Variants in ST18 observed in about 807,000 individuals in gnomAD.
ST18 encodes the protein ST18 C2H2C-type zinc finger transcription factor.
A neutral mutation model predicts 110.0 loss-of-function variants in ST18; 50 were observed. That is an observed-to-expected ratio of 0.45 (90% confidence interval 0.36 to 0.58). The LOEUF (loss-of-function observed/expected upper bound fraction) is 0.58, where lower values mean the gene tolerates loss of function less well. Ranked by LOEUF, ST18 falls within the 20% of genes least tolerant of loss-of-function variation. ST18 has a pLI of 0.00. For missense variants in ST18, 1,306 were observed against 1,280.1 expected (o/e 1.02, Z -0.31); for synonymous variants, 461 against 452.4 (o/e 1.02, Z -0.24).
intron 2 of ST18, among the ~76,000 whole-genome samples, chr8:52,280,561 A>G (rs897108766): frequency 6.6e-6 from 1 of 152,088 alleles, no homozygotes; most frequent in African/African-American, 2.4e-5. Flanking sequence ...AATCAAAAGA[A>G]AGTATATTAA....
At chr8:52,353,863 A>G (rs1460702483) in intron 2 of ST18, among the ~76,000 whole-genome samples, 1 of 152,238 alleles carries the variant, frequency 6.6e-6, no homozygotes, top group Non-Finnish European at 1.5e-5. Context: ...GAAACAGAGA[A>G]TACAGCTCCA....
At chr8:52,273,840 A>G (rs762157054) in intron 2 of ST18, among the ~76,000 whole-genome samples, 4 of 152,230 alleles carry the variant, frequency 2.6e-5, no homozygotes, top group Non-Finnish European at 5.9e-5. Context: ...CAAGCACACT[A>G]ATTAAGCCTA....
At chr8:52,213,958 C>A (rs2083151290) in intron 7 of ST18, among the ~76,000 whole-genome samples, 1 of 152,198 alleles carries the variant, frequency 6.6e-6, no homozygotes, top group African/African-American at 2.4e-5. Context: ...ATGTTCAAAT[C>A]CACTCATGAT....
At chr8:52,372,226 A>T (rs1830520102) in intron 2 of ST18, among the ~76,000 whole-genome samples, 7 of 152,216 alleles carry the variant, frequency 4.6e-5, no homozygotes, top group Admixed American at 3.9e-4. Context: ...AAATTTTTTT[A>T]AAAGTAGTAA....
rs550369488 is a variant in ST18, at chr8:52,264,090, C to T, written c.-464-34013G>A. ...CTGGGATTACAGGCGTGAGCCACCA[C>T]GCCTGGCAATACCACATAGATTTTT... On this transcript the variant is annotated intron_variant, in intron 2 of 25. Transcript: ENST00000689386. 9.1e-4 allele frequency among the ~76,000 whole-genome samples: 138 copies of T among 152,250 alleles called. 1 individual carries two copies. Among genetic ancestry groups the T allele is most frequent in the African/African-American group, 3.1e-3 (129 of 41,544 alleles).
At chr8:52,290,652 G>C (rs2095541955) in intron 2 of ST18, among the ~76,000 whole-genome samples, 3 of 152,204 alleles carry the variant, frequency 2.0e-5, no homozygotes, top group Middle Eastern at 3.4e-3. Flanking sequence ...CATGAGGTGT[G>C]GACGACCCTT....
intron 2 of ST18, among the ~76,000 whole-genome samples, chr8:52,279,656 G>T (rs970562614): frequency 6.6e-6 from 1 of 152,100 alleles, no homozygotes; most frequent in Non-Finnish European, 1.5e-5. Context: ...TATTTGAAGG[G>T]AAATATAGTG....
At chr8:52,348,947 A>G (rs1053087070) in intron 2 of ST18, among the ~76,000 whole-genome samples, 1 of 152,068 alleles carries the variant, frequency 6.6e-6, no homozygotes, top group Non-Finnish European at 1.5e-5. Context: ...AGATCTCTCA[A>G]ACTGATTTCT....
At chr8:52,292,970 A>T (rs2095578566) in intron 2 of ST18, among the ~76,000 whole-genome samples, 1 of 152,180 alleles carries the variant, frequency 6.6e-6, no homozygotes, top group South Asian at 2.1e-4. Context: ...CAAATTATAT[A>T]TTATTCTAGG....
At chr8:52,278,748 T>C (rs2095321700) in intron 2 of ST18, among the ~76,000 whole-genome samples, 1 of 152,202 alleles carries the variant, frequency 6.6e-6, no homozygotes, top group African/African-American at 2.4e-5. Context: ...GCTACCTAGA[T>C]ATGCAGAGTA....
chr8:52,165,207 T>G lies in ST18; in HGVS notation c.1223A>C (p.Asn408Thr), dbSNP rs2062561795. 6.2e-7 allele frequency: 1 copy of G among 1,614,022 alleles called. No homozygotes were observed. Among genetic ancestry groups the G allele is most frequent in the Non-Finnish European group, 8.5e-7 (1 of 1,180,016 alleles). Residue 408 changes from asparagine to threonine, a missense_variant, in exon 12 of 26, where the codon AAT becomes ACT. Physicochemically the swap from Asn to Thr is moderately conservative, Grantham distance 65. Coordinates refer to ENST00000689386, the MANE Select transcript of ST18 (RefSeq NM_001352837.2). ...TCCCGGCGTGGGACACTTGAGCACA[T>G]TTTCATGCATGGCAAGAACTAAGCA... ...VPLEILAMHE[N>T]VLKCPTPGCT...
At chr8:52,189,840 T>C (rs1365652572) in intron 8 of ST18, among the ~76,000 whole-genome samples, 1 of 152,212 alleles carries the variant, frequency 6.6e-6, no homozygotes, top group Non-Finnish European at 1.5e-5. Context: ...ATCTTTCTCA[T>C]GGGTGTACTA....
intron 2 of ST18, among the ~76,000 whole-genome samples, chr8:52,395,170 C>G (rs551755942): frequency 6.6e-6 from 1 of 152,350 alleles, no homozygotes; most frequent in South Asian, 2.1e-4. Flanking sequence ...ACCATCTCTC[C>G]TGTACAATGG....
chr8:52,222,566 G>C (rs1564155252), intron 3 of ST18, among the ~76,000 whole-genome samples: 1 of 152,166 alleles, frequency 6.6e-6, no homozygotes, highest in Non-Finnish European at 1.5e-5. Context: ...TGACACAATA[G>C]AGTTCATGAA....
intron 2 of ST18, among the ~76,000 whole-genome samples, chr8:52,345,674 T>C (rs747879960): frequency 9.2e-5 from 14 of 152,190 alleles, no homozygotes; most frequent in Admixed American, 2.0e-4. Flanking sequence ...ATGACAGCTG[T>C]CCTCTAAAGA....
At chr8:52,239,821 T>C (rs1013430528) in intron 2 of ST18, among the ~76,000 whole-genome samples, 1 of 151,930 alleles carries the variant, frequency 6.6e-6, no homozygotes, top group African/African-American at 2.4e-5. Flanking sequence ...TTGAGACAGG[T>C]CTCACTCTGT....
At position 52,161,468 on chromosome 8, in the gene ST18, G is replaced by A. The variant is rs1263250748; in HGVS notation, c.1501C>T (p.Pro501Ser). The A allele has an allele frequency of 3.7e-6, 6 of 1,614,058 alleles. No individual in the cohort carries two copies. The highest frequency in any genetic ancestry group is 1.7e-5 in the Admixed American group (1 of 59,996). Residue 501 changes from proline to serine, a missense_variant, in exon 14 of 26, where the codon CCA becomes TCA. Pro to Ser is a moderately conservative substitution (Grantham distance 74). Transcript: ENST00000689386. Reference protein sequence around the residue: ...SKEQEKFGKVPFDYASFDAQV... With the variant: ...SKEQEKFGKVSFDYASFDAQV... Reference sequence around the variant, plus strand: ...GCATCAAAACTGGCATAATCAAATGGTACTTTTCCAAACTTCTCTTGTTCT... The same window carrying A: ...GCATCAAAACTGGCATAATCAAATGATACTTTTCCAAACTTCTCTTGTTCT...
chr8:52,227,067 T>A (rs1395091782), intron 3 of ST18, among the ~76,000 whole-genome samples: 1 of 152,196 alleles, frequency 6.6e-6, no homozygotes, highest in African/African-American at 2.4e-5. Context: ...AATGGGAGAA[T>A]ATATTGAAAC....
chr8:52,231,324 G>A (rs1054484357), intron 2 of ST18, among the ~76,000 whole-genome samples: 4 of 152,110 alleles, frequency 2.6e-5, no homozygotes, highest in African/African-American at 4.8e-5. Flanking sequence ...TAACTGAGAC[G>A]GATGTCCAAA....
Sources: gnomAD v4.1 joint callset for allele counts (sites outside exome capture counted in the v4.1 genomes callset) on GRCh38, gnomAD v4.1.1 for gene constraint, MANE v1.5 for transcripts, NCBI Gene and HGNC (gene_info 2026-07-23, HGNC 2026-07-21) for gene names.